Variants in MACO1 observed in about 807,000 individuals in gnomAD.
The protein encoded by MACO1 is macoilin.
In MACO1, 14 loss-of-function variants were observed where a neutral mutation model predicts 78.7. The ratio of observed to expected loss-of-function variants is 0.18; its 90% CI spans 0.12 to 0.28. The LOEUF is 0.28. Among genes scored for constraint, MACO1 ranks in the 10% least tolerant of loss-of-function variants. MACO1 has a pLI of 1.00. For synonymous variants in MACO1, 288 were observed against 291.6 expected, an observed-to-expected ratio of 0.99 and a Z score of 0.12; for missense variants, 501 against 799.0, an observed-to-expected ratio of 0.63 and a Z score of 4.50.
At chr1:25,459,543 C>T (rs1275830700) in intron 6 of MACO1, among the ~76,000 whole-genome samples, 1 of 148,888 alleles carries the variant, frequency 6.7e-6, no homozygotes, top group Non-Finnish European at 1.5e-5. Flanking sequence ...GGCACGATCT[C>T]GGCTCACTGC....
Position 25,458,780 on chromosome 1 carries a change from A to G in MACO1, c.1042A>G (p.Ser348Gly), listed in dbSNP as rs760217519. Residue 348 changes from serine to glycine, a missense_variant, in exon 6 of 11, where the codon AGT becomes GGT. This residue lies in a region of MACO1 where 163 missense variants were observed against 271.9 expected (regional missense o/e 0.60). Coordinates refer to ENST00000374343, the MANE Select transcript of MACO1 (RefSeq NM_018202.6). ...AAATGGGAGCATTCCTTCCTCATCTAGTAAAAATGAGAAGAAGCAGAAATG... is the reference window on the plus strand; with the variant it reads ...AAATGGGAGCATTCCTTCCTCATCTGGTAAAAATGAGAAGAAGCAGAAATG... ...ATNGSIPSSS[S>G]KNEKKQKCTS... 7.4e-6 allele frequency: 12 copies of G among 1,614,156 alleles called. No homozygotes were observed. Among genetic ancestry groups the G allele is most frequent in the East Asian group, 2.2e-5 (1 of 44,888 alleles).
At chr1:25,463,336 G>A (rs1255502239) in intron 6 of MACO1, among the ~76,000 whole-genome samples, 1 of 152,170 alleles carries the variant, frequency 6.6e-6, no homozygotes, top group Non-Finnish European at 1.5e-5. Flanking sequence ...TGTGGAGGAA[G>A]GTGAGGAACC....
At chr1:25,431,490 C>T (rs1026639061) in intron 1 of MACO1, among the ~76,000 whole-genome samples, 41 of 151,524 alleles carry the variant, frequency 2.7e-4, no homozygotes, top group Non-Finnish European at 4.9e-4. Flanking sequence ...CCCGGCGTTC[C>T]TCAGCATCCC....
At chr1:25,439,207 A>T (rs1002664082) in intron 1 of MACO1, among the ~76,000 whole-genome samples, 1 of 152,150 alleles carries the variant, frequency 6.6e-6, no homozygotes, top group African/African-American at 2.4e-5. Context: ...AAGGCATAAG[A>T]TACCCTATTT....
intron 10 of MACO1, among the ~76,000 whole-genome samples, chr1:25,492,995 G>A (rs1270303699): frequency 6.6e-6 from 1 of 152,092 alleles, no homozygotes; most frequent in Non-Finnish European, 1.5e-5. Flanking sequence ...AGACTAGCCT[G>A]GGGAACATAG....
intron 4 of MACO1, 33 bp from the exon 5 acceptor site, chr1:25,456,620 C>G (rs1478537480): frequency 1.3e-6 from 2 of 1,599,784 alleles, no homozygotes; most frequent in African/African-American, 2.7e-5. Flanking sequence ...CATTTTAAAC[C>G]TACAATTACT....
chr1:25,464,663 C>A (rs1332203787), intron 6 of MACO1, among the ~76,000 whole-genome samples: 3 of 95,278 alleles, frequency 3.1e-5, no homozygotes, highest in East Asian at 5.8e-4. Flanking sequence ...TTCCCCCACC[C>A]CCCCCCTCCG....
chr1:25,477,045 T>C (rs528712673), intron 6 of MACO1, among the ~76,000 whole-genome samples: 3 of 152,314 alleles, frequency 2.0e-5, no homozygotes, highest in South Asian at 4.1e-4. Context: ...AAAGAACTTA[T>C]AGTCTTGTTA....
At chr1:25,467,758 A>G (rs978500748) in intron 6 of MACO1, among the ~76,000 whole-genome samples, 1 of 149,542 alleles carries the variant, frequency 6.7e-6, no homozygotes, top group Non-Finnish European at 1.5e-5. Context: ...TTGCAAGTAG[A>G]AGAGATCTAA....
At chr1:25,450,319 G>A (rs1193702618) in intron 3 of MACO1, among the ~76,000 whole-genome samples, 1 of 152,152 alleles carries the variant, frequency 6.6e-6, no homozygotes, top group African/African-American at 2.4e-5. Flanking sequence ...TCTGACTAGA[G>A]TAGAGCTCCC....
chr1:25,478,387 C>T (rs1317742916), intron 6 of MACO1, among the ~76,000 whole-genome samples: 1 of 152,056 alleles, frequency 6.6e-6, no homozygotes, highest in Non-Finnish European at 1.5e-5. Flanking sequence ...GCAGATTGCC[C>T]TTTATTAAAA....
chr1:25,472,013 G>A (rs2043275787), intron 6 of MACO1, among the ~76,000 whole-genome samples: 1 of 152,172 alleles, frequency 6.6e-6, no homozygotes, highest in Non-Finnish European at 1.5e-5. Flanking sequence ...GGGGTTGGTT[G>A]TGCTTCAGGG....
chr1:25,469,282 G>C (rs1327785999), intron 6 of MACO1, among the ~76,000 whole-genome samples: 1 of 152,192 alleles, frequency 6.6e-6, no homozygotes, highest in Non-Finnish European at 1.5e-5. Context: ...TCATCAGTGA[G>C]TATGTTGATT....
chr1:25,486,821 G>C lies in MACO1; in HGVS notation c.1496+1026G>C, dbSNP rs902168672. Among the ~76,000 whole-genome samples the C allele has an allele frequency of 7.2e-5, 11 of 152,308 alleles. No homozygotes were observed. The South Asian group carries it at 2.3e-3, about 32-fold the overall frequency. ...GGCTTGGCCCATCAGCATCTATACA[G>C]ACTTACAAGGCCCTTGACTAGCCTG... On this transcript the variant is annotated intron_variant, in intron 8 of 10. Coordinates refer to ENST00000374343, the MANE Select transcript of MACO1 (RefSeq NM_018202.6).
intron 8 of MACO1, among the ~76,000 whole-genome samples, chr1:25,486,285 A>G (rs2043430330): frequency 6.6e-6 from 1 of 152,194 alleles, no homozygotes; most frequent in Non-Finnish European, 1.5e-5. Flanking sequence ...TGTCAAATGA[A>G]ATGGAAAAAA....
At chr1:25,489,075 C>T in intron 8 of MACO1, 98 bp from the exon 9 acceptor site, 3 of 1,424,440 alleles carry the variant, frequency 2.1e-6, no homozygotes, top group Non-Finnish European at 2.8e-6. Context: ...CCTGCCTCGG[C>T]CTCCCAAAGT....
intron 6 of MACO1, among the ~76,000 whole-genome samples, chr1:25,472,328 TA>T (rs1351249181): frequency 1.3e-5 from 2 of 152,190 alleles, no homozygotes; most frequent in African/African-American, 4.8e-5. Flanking sequence ...ACCCGTCATC[TA>T]CATTAGGTAT....
chr1:25,448,874 A>G lies in MACO1; in HGVS notation c.289A>G (p.Ile97Val). ...SNIICLLFIP[I>V]QWLFFAASTY... Reference sequence around the variant, plus strand: ...TATAATATGCCTGCTGTTCATCCCCATACAGTGGCTTTTTTTTGCTGCTAG... The same window carrying G: ...TATAATATGCCTGCTGTTCATCCCCGTACAGTGGCTTTTTTTTGCTGCTAG... Residue 97 changes from isoleucine (I) to valine (V), a missense_variant, in exon 3 of 11, where the codon ATA becomes GTA. Coordinates refer to ENST00000374343, the MANE Select transcript of MACO1 (RefSeq NM_018202.6). The G allele has an allele frequency of 6.4e-7, 1 of 1,556,902 alleles. No individual in the cohort carries two copies.
At chr1:25,455,569 G>A (rs976175077) in intron 4 of MACO1, among the ~76,000 whole-genome samples, 1 of 152,052 alleles carries the variant, frequency 6.6e-6, no homozygotes, top group Non-Finnish European at 1.5e-5. Context: ...AAACTTATAT[G>A]GGCTTGACAG....
Sources: gnomAD v4.1 joint callset for allele counts (sites outside exome capture counted in the v4.1 genomes callset) on GRCh38, gnomAD v4.1.1 for gene constraint, gnomAD v4.1.1 regional missense constraint, MANE v1.5 for transcripts, NCBI Gene and HGNC (gene_info 2026-07-23, HGNC 2026-07-21) for gene names.